Variants in RBFOX1 observed in about 807,000 individuals in gnomAD.
RBFOX1 encodes RNA binding fox-1 homolog 1, also known as RNA binding protein fox-1 homolog 1.
Under a neutral mutation model 57.7 loss-of-function variants are expected in RBFOX1, and 8 were observed. The ratio of observed to expected loss-of-function variants is 0.14; its 90% confidence interval spans 0.08 to 0.25. RBFOX1 has a LOEUF of 0.25. Ranked by LOEUF, RBFOX1 falls within the 10% of genes least tolerant of loss-of-function variation. The pLI is 1.00. For missense variants in RBFOX1, 611 were observed against 548.5 expected, an observed-to-expected ratio of 1.11 and a Z score of -1.14; for synonymous variants, 326 against 222.4, an observed-to-expected ratio of 1.47 and a Z score of -4.15.
intron 2 of RBFOX1, among the ~76,000 whole-genome samples, chr16:6,614,035 A>C (rs2098109387): frequency 6.6e-6 from 1 of 152,222 alleles, no homozygotes; most frequent in Non-Finnish European, 1.5e-5. Context: ...TTTGTAAGTG[A>C]GTTTAGGTGA....
intron 4 of RBFOX1, among the ~76,000 whole-genome samples, chr16:7,261,848 G>A (rs1414216504): frequency 6.6e-6 from 1 of 152,118 alleles, no homozygotes; most frequent in Non-Finnish European, 1.5e-5. Context: ...CCAAAGTCTT[G>A]GATTCATTTG....
intron 4 of RBFOX1, among the ~76,000 whole-genome samples, chr16:7,215,932 C>G (rs1159145506): frequency 6.6e-6 from 1 of 152,056 alleles, no homozygotes; most frequent in Non-Finnish European, 1.5e-5. Context: ...ACCGTGTTAG[C>G]CAGGATGGTC....
chr16:7,399,029 T>C (rs1226710986), intron 4 of RBFOX1, among the ~76,000 whole-genome samples: 1 of 152,350 alleles, frequency 6.6e-6, no homozygotes, highest in Admixed American at 6.5e-5. Flanking sequence ...GGGGCAAGTG[T>C]TGAGTGACTG....
chr16:5,464,116 C>A (rs1328460066), intron 1 of RBFOX1, among the ~76,000 whole-genome samples: 9 of 152,142 alleles, frequency 5.9e-5, no homozygotes, highest in African/African-American at 1.9e-4. Flanking sequence ...CTTCTGGGTG[C>A]CAGGAGGGGA....
At position 6,834,891 on chromosome 16, in the gene RBFOX1, A is replaced by ATT. The variant is rs71147607; in HGVS notation, c.-16+180259_-16+180260dup. 3.0e-3 allele frequency among the ~76,000 whole-genome samples: 359 copies of ATT among 118,912 alleles called. 6 individuals are homozygous for ATT. The highest frequency in any genetic ancestry group is 0.025 in the East Asian group (94 of 3,742). The allele number at this position is 118,912 out of a possible 152,430, so 78.0% of individuals were successfully genotyped here. A position where few individuals can be genotyped will look rare whatever the true frequency, so the allele number is the denominator to read the frequency against. On this transcript the variant is annotated intron_variant, in intron 3 of 15. Transcript: ENST00000550418. Reference sequence around the variant, plus strand: ...TTAACTTCAAAGGCCTGACTTCTCTATTTTTTTTTTTTTTTTTTTGAGATG... The same window carrying ATT: ...TTAACTTCAAAGGCCTGACTTCTCTATTTTTTTTTTTTTTTTTTTTTGAGATG...
At chr16:7,314,737 G>T (rs914972719) in intron 4 of RBFOX1, among the ~76,000 whole-genome samples, 1 of 152,122 alleles carries the variant, frequency 6.6e-6, no homozygotes, top group African/African-American at 2.4e-5. Flanking sequence ...AAAACAACAG[G>T]CAGGGGAGAG....
intron 4 of RBFOX1, among the ~76,000 whole-genome samples, chr16:7,195,021 AGTTG>A (rs1442178202): frequency 6.6e-6 from 1 of 150,818 alleles, no homozygotes; most frequent in African/African-American, 2.4e-5. Flanking sequence ...GTTCTTAATT[AGTTG>A]TTTATTGTTC....
At chr16:5,547,749 T>C (rs2045274120) in intron 2 of RBFOX1, among the ~76,000 whole-genome samples, 1 of 152,122 alleles carries the variant, frequency 6.6e-6, no homozygotes, top group African/African-American at 2.4e-5. Context: ...TGTGCAGCAA[T>C]ATGGATCCAA....
chr16:6,360,514 TAC>T (rs532640172), intron 2 of RBFOX1, among the ~76,000 whole-genome samples: 1 of 152,320 alleles, frequency 6.6e-6, no homozygotes, highest in East Asian at 1.9e-4. Flanking sequence ...AGTTGACATT[TAC>T]ACAGTCTTGA....
chr16:5,766,063 A>G (rs745785767), intron 3 of RBFOX1, among the ~76,000 whole-genome samples: 3 of 152,184 alleles, frequency 2.0e-5, no homozygotes, highest in East Asian at 1.9e-4. Flanking sequence ...GGAGCAGCCA[A>G]TAGCTCAGAG....
chr16:6,978,270 A>G (rs1048953069), intron 3 of RBFOX1, among the ~76,000 whole-genome samples: 4 of 152,184 alleles, frequency 2.6e-5, no homozygotes, highest in Non-Finnish European at 5.9e-5. Flanking sequence ...TGTACTTGAT[A>G]GATGTTCTGA....
At chr16:5,351,749 C>T (rs1804917248) in intron 1 of RBFOX1, among the ~76,000 whole-genome samples, 1 of 152,138 alleles carries the variant, frequency 6.6e-6, no homozygotes, top group Admixed American at 6.5e-5. Context: ...GTGAGTGACC[C>T]TGGTTATCTG....
intron 3 of RBFOX1, among the ~76,000 whole-genome samples, chr16:6,833,525 G>T (rs1443559694): frequency 6.6e-6 from 1 of 152,026 alleles, no homozygotes; most frequent in Non-Finnish European, 1.5e-5. Flanking sequence ...TCCCAGACTG[G>T]AATGCCAGCC....
intron 1 of RBFOX1, among the ~76,000 whole-genome samples, chr16:6,257,998 A>C: frequency 6.6e-6 from 1 of 152,178 alleles, no homozygotes; most frequent in East Asian, 1.9e-4. Flanking sequence ...AGGAATCGCC[A>C]CACTGCCTTC....
intron 1 of RBFOX1, among the ~76,000 whole-genome samples, chr16:6,035,089 C>G (rs148603711): frequency 6.6e-6 from 1 of 152,026 alleles, no homozygotes; most frequent in African/African-American, 2.4e-5. Flanking sequence ...AATAGCATCC[C>G]TGGCCTCTAC....
Position 6,685,549 on chromosome 16 carries a change from A to C in RBFOX1, c.-16+30899A>C, listed in dbSNP as rs539721033. 3.3e-5 allele frequency among the ~76,000 whole-genome samples: 5 copies of C among 151,284 alleles called. 1 individual carries two copies. The East Asian group carries it at 9.8e-4, about 30-fold the overall frequency. On this transcript the variant is annotated intron_variant, in intron 3 of 15. Transcript: ENST00000550418. ...GTGATCCGCGTTCCTCACTCTCCCA[A>C]AGTGCTGGGATTACAGGCATGAGCC...
intron 12 of RBFOX1, among the ~76,000 whole-genome samples, chr16:7,659,762 A>G (rs1455200708): frequency 6.6e-6 from 1 of 152,172 alleles, no homozygotes; most frequent in Non-Finnish European, 1.5e-5. Flanking sequence ...CTAGTTTTAA[A>G]ATGTAATCCA....
intron 3 of RBFOX1, among the ~76,000 whole-genome samples, chr16:6,737,568 C>G (rs2154179592): frequency 6.6e-6 from 1 of 152,304 alleles, no homozygotes; most frequent in African/African-American, 2.4e-5. Flanking sequence ...AATCTGGACT[C>G]TGCTTCTAGG....
intron 4 of RBFOX1, among the ~76,000 whole-genome samples, chr16:5,927,942 G>A (rs1305579896): frequency 6.6e-6 from 1 of 152,162 alleles, no homozygotes; most frequent in Non-Finnish European, 1.5e-5. Flanking sequence ...ACCAGAGGCT[G>A]GGGCAGGAGC....
Sources: gnomAD v4.1 joint callset for allele counts (sites outside exome capture counted in the v4.1 genomes callset) on GRCh38, gnomAD v4.1.1 for gene constraint, MANE v1.5 for transcripts, NCBI Gene and HGNC (gene_info 2026-07-23, HGNC 2026-07-21) for gene names.